WWTR1: variants seen among roughly 807,000 people sequenced by gnomAD.
WWTR1 encodes WW domain-containing transcription regulator protein 1.
WWTR1 carries 13 observed loss-of-function variants against 40.1 expected under a neutral mutation model. The ratio of observed to expected loss-of-function variants is 0.32; its 90% confidence interval spans 0.21 to 0.52. The LOEUF is 0.52. Among genes scored for constraint, WWTR1 ranks in the 20% least tolerant of loss-of-function variants. WWTR1 has a pLI of 0.97. For missense variants in WWTR1, 436 were observed against 523.1 expected (o/e 0.83, Z 1.63); for synonymous variants, 230 against 210.1 (o/e 1.09, Z -0.82).
intron 2 of WWTR1, among the ~76,000 whole-genome samples, chr3:149,640,431 G>GT (rs58567288): frequency 0.029 from 4,350 of 151,962 alleles, 197 homozygotes; most frequent in African/African-American, 0.1. Flanking sequence ...TTTTGTTTTT[G>GT]TTTTTTTGAA....
intron 2 of WWTR1, among the ~76,000 whole-genome samples, chr3:149,632,610 TC>T (rs1166035930): frequency 6.6e-6 from 1 of 152,098 alleles, no homozygotes; most frequent in African/African-American, 2.4e-5. Context: ...CATTTTCCAC[TC>T]AAAAATGGAT....
chr3:149,717,769 T>C (rs1480845551), intron 4 of WWTR1, among the ~76,000 whole-genome samples: 1 of 152,162 alleles, frequency 6.6e-6, no homozygotes, highest in African/African-American at 2.4e-5. Context: ...GCTTAAGATA[T>C]AGACATAAAA....
chr3:149,595,761 G>A (rs1232558221), intron 2 of WWTR1, among the ~76,000 whole-genome samples: 6 of 152,096 alleles, frequency 3.9e-5, no homozygotes, highest in African/African-American at 1.2e-4. Flanking sequence ...GGCGAGGCGC[G>A]GTGGCCCATG....
intron 3 of WWTR1, among the ~76,000 whole-genome samples, chr3:149,571,006 G>A (rs62269318): frequency 0.084 from 12,758 of 152,020 alleles, 735 homozygotes; most frequent in Middle Eastern, 0.14. Flanking sequence ...AGACTAATAG[G>A]CAAATTTTTA....
At chr3:149,641,175 A>G (rs1160024680) in intron 2 of WWTR1, among the ~76,000 whole-genome samples, 2 of 152,154 alleles carry the variant, frequency 1.3e-5, no homozygotes, top group African/African-American at 2.4e-5. Context: ...TTAAAAACCC[A>G]TTTGTAATAA....
chr3:149,651,235 G>T (rs1028998077), intron 2 of WWTR1, among the ~76,000 whole-genome samples: 1 of 152,074 alleles, frequency 6.6e-6, no homozygotes, highest in Non-Finnish European at 1.5e-5. Flanking sequence ...AAGTAAATAC[G>T]TTCAGATAAA....
intron 3 of WWTR1, 28 bp from the exon 4 acceptor site, chr3:149,542,565 A>G (rs1736165211): frequency 6.3e-7 from 1 of 1,586,350 alleles, no homozygotes; most frequent in African/African-American, 1.3e-5. Context: ...ATACAGATTA[A>G]TGACCAGGGC....
chr3:149,601,617 C>T (rs1739244196), intron 2 of WWTR1, among the ~76,000 whole-genome samples: 2 of 152,144 alleles, frequency 1.3e-5, no homozygotes, highest in South Asian at 4.1e-4. Context: ...TAAAAACCAA[C>T]CTAAAAAACC....
At chr3:149,606,092 G>A (rs1433100765) in intron 2 of WWTR1, among the ~76,000 whole-genome samples, 1 of 152,134 alleles carries the variant, frequency 6.6e-6, no homozygotes. Context: ...CGGGTAGAAG[G>A]CATGATCTAT....
intron 1 of WWTR1, among the ~76,000 whole-genome samples, chr3:149,681,651 G>A (rs1412194210): frequency 6.6e-6 from 1 of 152,148 alleles, no homozygotes; most frequent in Non-Finnish European, 1.5e-5. Flanking sequence ...ATTCATAATA[G>A]CCAAGATGTG....
intron 2 of WWTR1, among the ~76,000 whole-genome samples, chr3:149,630,632 C>T (rs1232658610): frequency 6.6e-6 from 1 of 152,168 alleles, no homozygotes; most frequent in East Asian, 1.9e-4. Flanking sequence ...ACTTATTGGG[C>T]AGGTAAACAA....
chr3:149,603,590 C>T (rs1739352961), intron 2 of WWTR1, among the ~76,000 whole-genome samples: 2 of 150,068 alleles, frequency 1.3e-5, no homozygotes, highest in Admixed American at 6.7e-5. Flanking sequence ...TTCTCCATCC[C>T]CCATTACATT....
At chr3:149,607,218 TTA>T (rs1425464769) in intron 2 of WWTR1, among the ~76,000 whole-genome samples, 6 of 152,216 alleles carry the variant, frequency 3.9e-5, no homozygotes, top group Non-Finnish European at 4.4e-5. Flanking sequence ...AAATCTTTTT[TTA>T]TGAGGAGAAA....
chr3:149,620,569 C>CG (rs970233468), intron 2 of WWTR1, among the ~76,000 whole-genome samples: 57 of 150,554 alleles, frequency 3.8e-4, no homozygotes, highest in African/African-American at 1.0e-3. Flanking sequence ...ACCGCTCCCC[C>CG]CCACACACAC....
At chr3:149,562,335 G>A (rs1033971010) in intron 3 of WWTR1, among the ~76,000 whole-genome samples, 2 of 151,824 alleles carry the variant, frequency 1.3e-5, no homozygotes, top group Middle Eastern at 3.4e-3. Flanking sequence ...GATGCTCATG[G>A]TATATTAAAA....
At chr3:149,605,363 A>G (rs112018370) in intron 2 of WWTR1, among the ~76,000 whole-genome samples, 68 of 148,364 alleles carry the variant, frequency 4.6e-4, no homozygotes, top group African/African-American at 1.7e-3. Flanking sequence ...TTTCTAGTGT[A>G]GTGACCTACA....
At chr3:149,640,457 GC>G (rs1476928304) in intron 2 of WWTR1, among the ~76,000 whole-genome samples, 1 of 152,024 alleles carries the variant, frequency 6.6e-6, no homozygotes, top group African/African-American at 2.4e-5. Flanking sequence ...GTTTCGCTCT[GC>G]CCCCAAAGCT....
chr3:149,594,274 G>C lies in WWTR1; in HGVS notation c.432-21274C>G, dbSNP rs79204877. 5.0e-3 allele frequency among the ~76,000 whole-genome samples: 754 copies of C among 152,214 alleles called. 3 individuals are homozygous for C. Among genetic ancestry groups the C allele is most frequent in the African/African-American group, 0.018 (731 of 41,530 alleles). On this transcript the variant is annotated intron_variant, in intron 2 of 6. Transcript: ENST00000360632. ...AAGACTGTGGTCAGGGGGCCTCTCTGAACTTATTCTGGTTTAGGAGTTCCC... is the reference window on the plus strand; with the variant it reads ...AAGACTGTGGTCAGGGGGCCTCTCTCAACTTATTCTGGTTTAGGAGTTCCC...
In WWTR1 at chr3:149,572,275, T is replaced by C. The variant is rs757058832; in HGVS notation, c.568+589A>G. 2.0e-5 allele frequency among the ~76,000 whole-genome samples: 3 copies of C among 151,916 alleles called. No individual in the cohort carries two copies. The East Asian group carries it at 5.8e-4, about 29-fold the overall frequency. ...AGCACTTGGCATGCTATCTGACACA[T>C]GTTATGCAGCAATTATGAAAAAAAA... On this transcript the variant is annotated intron_variant, in intron 3 of 6. Transcript: ENST00000360632.
Sources: allele counts gnomAD v4.1 joint callset (sites outside exome capture counted in the v4.1 genomes callset), GRCh38; gene constraint gnomAD v4.1.1; transcripts MANE v1.5; gene names NCBI Gene and HGNC (gene_info 2026-07-23, HGNC 2026-07-21).